Variants in FYB1 observed in about 807,000 individuals in gnomAD.
FYB1 encodes FYN binding protein 1.
Under a neutral mutation model 94.1 loss-of-function variants are expected in FYB1, and 41 were observed. The ratio of observed to expected loss-of-function variants is 0.44; its 90% CI spans 0.34 to 0.57. The LOEUF is 0.57. Among genes scored for constraint, FYB1 ranks in the 20% least tolerant of loss-of-function variants. FYB1 has a pLI of 0.02. For synonymous variants in FYB1, 367 were observed against 353.2 expected, an observed-to-expected ratio of 1.04 and a Z score of -0.44; for missense variants, 1,050 against 976.8, an observed-to-expected ratio of 1.07 and a Z score of -1.00.
chr5:39,163,236 A>T (rs1419421171), intron 2 of FYB1, among the ~76,000 whole-genome samples: 1 of 152,176 alleles, frequency 6.6e-6, no homozygotes, highest in Non-Finnish European at 1.5e-5. Context: ...AATTTTGAAA[A>T]CCAATTTAGT....
rs758687462 is a variant in FYB1, at chr5:39,119,013, T to C, written c.2262A>G (p.Leu754=). 4 of 1,448,930 alleles carry C rather than the reference T, an allele frequency of 2.8e-6. No homozygotes were observed. Among genetic ancestry groups the C allele is most frequent in the Admixed American group, 4.3e-5 (2 of 46,236 alleles). The allele number at this position is 1,448,930 out of a possible 1,614,324, so 89.8% of individuals were successfully genotyped here. A position where few individuals can be genotyped will look rare whatever the true frequency, so the allele number is the denominator to read the frequency against. Residue 754 remains leucine, a synonymous_variant, in exon 16 of 19, where the codon CTA becomes CTG. Coordinates refer to ENST00000512982, the MANE Select transcript of FYB1 (RefSeq NM_001465.6). ...KFKYDGEIRV[L]YSTKVTTSIT... ...TGGAAGTTGTAACTTTAGTTGAATA[T>C]AGGACTCTAATTTCACCATCATACT...
chr5:39,185,057 T>TTGGA (rs1402115914), intron 2 of FYB1, among the ~76,000 whole-genome samples: 20 of 152,210 alleles, frequency 1.3e-4, no homozygotes, highest in African/African-American at 4.6e-4. Context: ...TATTAGCGTT[T>TTGGA]ATACTTTAAT....
At chr5:39,273,803 G>A (rs1190037743) in intron 1 of FYB1, among the ~76,000 whole-genome samples, 1 of 152,048 alleles carries the variant, frequency 6.6e-6, no homozygotes, top group Admixed American at 6.5e-5. Flanking sequence ...GGGGTGGCTA[G>A]GGAAAACCAA....
At chr5:39,124,377 C>T (rs1006360681) in intron 12 of FYB1, 99 bp from the exon 13 acceptor site, 3 of 652,844 alleles carry the variant, frequency 4.6e-6, no homozygotes, top group African/African-American at 3.9e-5. Flanking sequence ...AGCCTAGAGG[C>T]ATATTGGGTT....
At chr5:39,268,890 A>G (rs952353254) in intron 1 of FYB1, among the ~76,000 whole-genome samples, 1 of 151,856 alleles carries the variant, frequency 6.6e-6, no homozygotes, top group African/African-American at 2.4e-5. Flanking sequence ...TAAGAAAACA[A>G]TAATCTTTAA....
At chr5:39,234,492 C>G (rs1338895268) in intron 1 of FYB1, among the ~76,000 whole-genome samples, 2 of 152,148 alleles carry the variant, frequency 1.3e-5, no homozygotes, top group Non-Finnish European at 2.9e-5. Flanking sequence ...GGCAATTCCT[C>G]AAGGATCTAG....
intron 2 of FYB1, among the ~76,000 whole-genome samples, chr5:39,179,293 G>T (rs1430858054): frequency 6.6e-6 from 1 of 152,136 alleles, no homozygotes; most frequent in Admixed American, 6.6e-5. Context: ...TTGCTAACAT[G>T]ACCACTGTGC....
upstream of FYB1, among the ~76,000 whole-genome samples, chr5:39,222,525 T>C (rs1750313857): frequency 1.3e-5 from 2 of 152,206 alleles, no homozygotes; most frequent in Non-Finnish European, 2.9e-5. Flanking sequence ...AAAAGTTTGC[T>C]TTCCAAAAAG....
At chr5:39,155,126 C>G (rs1427050076) in intron 2 of FYB1, among the ~76,000 whole-genome samples, 1 of 152,212 alleles carries the variant, frequency 6.6e-6, no homozygotes, top group Non-Finnish European at 1.5e-5. Flanking sequence ...CGGCACTTCA[C>G]TGTAAATTTC....
intron 2 of FYB1, among the ~76,000 whole-genome samples, chr5:39,192,800 AAGGTCAAATTG>A: frequency 6.6e-6 from 1 of 152,346 alleles, no homozygotes; most frequent in South Asian, 2.1e-4. Flanking sequence ...AAGAATCTTG[AAGGTCAAATTG>A]AGTGTGCAGC....
chr5:39,119,500 C>T, intron 15 of FYB1, 35 bp downstream of exon 15: 1 of 1,426,054 alleles, frequency 7.0e-7, no homozygotes, highest in Non-Finnish European at 9.4e-7. Flanking sequence ...TTCAATAGTG[C>T]TTTGTACTTT....
intron 7 of FYB1, among the ~76,000 whole-genome samples, chr5:39,137,033 A>C (rs1249709417): frequency 6.6e-6 from 1 of 152,178 alleles, no homozygotes; most frequent in Non-Finnish European, 1.5e-5. Flanking sequence ...CAATTACCAG[A>C]GATCAGAGAA....
At chr5:39,169,229 G>A (rs560922040) in intron 2 of FYB1, 45 of 1,092,276 alleles carry the variant, frequency 4.1e-5, no homozygotes, top group South Asian at 3.2e-4. Flanking sequence ...ATGGTTGGTC[G>A]TGGTGCATTT....
chr5:39,183,932 G>A lies in FYB1; in HGVS notation c.1135+17894C>T, dbSNP rs147240983. On this transcript the variant is annotated intron_variant, in intron 2 of 18. Coordinates refer to ENST00000512982, the MANE Select transcript of FYB1 (RefSeq NM_001465.6). Reference sequence around the variant, plus strand: ...TCATTCTGGTATAGATGATCCACAGGCCACATTGGGAGAAACACTGCCTTG... The same window carrying A: ...TCATTCTGGTATAGATGATCCACAGACCACATTGGGAGAAACACTGCCTTG... Among the ~76,000 whole-genome samples the A allele has an allele frequency of 3.3e-3, 509 of 152,250 alleles. 2 individuals carry two copies. Among genetic ancestry groups the A allele is most frequent in the African/African-American group, 0.012 (483 of 41,538 alleles).
chr5:39,118,311 C>G (rs17366147), intron 16 of FYB1, among the ~76,000 whole-genome samples: 25,113 of 152,060 alleles, frequency 0.17, 2,470 homozygotes, highest in Non-Finnish European at 0.22. Flanking sequence ...GAAATGAAAA[C>G]AAGTGAATTT....
chr5:39,141,127 T>C lies in FYB1; in HGVS notation c.1307A>G (p.Glu436Gly). 6.3e-7 allele frequency: 1 copy of C among 1,594,306 alleles called. No homozygotes were observed. Among genetic ancestry groups the C allele is most frequent in the Non-Finnish European group, 8.6e-7 (1 of 1,168,814 alleles). The change falls in exon 4 of 19, where the codon GAA (glutamate) becomes GGA (glycine). Residue 436 changes from glutamate (E) to glycine (G), a missense_variant. Coordinates refer to ENST00000512982, the MANE Select transcript of FYB1 (RefSeq NM_001465.6). ...GTGCGTGACACCATCTTGATTGTCT[T>C]CATTGACAGGGCTTCTGAAAACGAG... Reference protein sequence around the residue: ...PPFDLKSPVNEDNQDGVTHSD... With the variant: ...PPFDLKSPVNGDNQDGVTHSD...
intron 1 of FYB1, among the ~76,000 whole-genome samples, chr5:39,230,088 G>C (rs112534286): frequency 0.01 from 1,533 of 152,270 alleles, 20 homozygotes; most frequent in African/African-American, 0.032. Context: ...TCTTCCAAAA[G>C]ATGTCCACCT....
intron 2 of FYB1, among the ~76,000 whole-genome samples, chr5:39,168,202 C>A (rs559412928): frequency 6.6e-6 from 1 of 152,034 alleles, no homozygotes; most frequent in South Asian, 2.1e-4. Flanking sequence ...AATTAAAGTG[C>A]CGTAATCAGG....
intron 1 of FYB1, among the ~76,000 whole-genome samples, chr5:39,247,071 CATATATATATATATATATATATATATAT>C (rs3085950): frequency 3.2e-4 from 21 of 65,620 alleles, no homozygotes; most frequent in East Asian, 9.3e-4. Context: ...AATGCGTGTT[CATATATATATATATATATATATATATAT>C]ATATATATAT....
Sources: gnomAD v4.1 joint callset for allele counts (sites outside exome capture counted in the v4.1 genomes callset) on GRCh38, gnomAD v4.1.1 for gene constraint, MANE v1.5 for transcripts, NCBI Gene and HGNC (gene_info 2026-07-23, HGNC 2026-07-21) for gene names.